Variants in DNAJC8 observed in about 807,000 individuals in gnomAD.
DNAJC8 encodes DnaJ heat shock protein family (Hsp40) member C8.
DNAJC8 carries 24 observed loss-of-function variants against 43.2 expected under a neutral mutation model. The ratio of observed to expected loss-of-function variants is 0.56; its 90% confidence interval spans 0.40 to 0.78. The LOEUF (loss-of-function observed/expected upper bound fraction) is 0.78, where lower values mean the gene tolerates loss of function less well. Among genes scored for constraint, DNAJC8 ranks in the 30% least tolerant of loss-of-function variants. The pLI is 0.00. For synonymous variants in DNAJC8, 83 were observed against 98.0 expected (o/e 0.85, Z 0.90); for missense variants, 207 against 299.4 (o/e 0.69, Z 2.28).
intron 3 of DNAJC8, 121 bp downstream of exon 3, chr1:28,214,819 C>T: frequency 1.6e-6 from 1 of 633,234 alleles, no homozygotes; most frequent in Admixed American, 3.4e-5. Flanking sequence ...AAAACAGTTA[C>T]ACAGCCTTAA....
chr1:28,226,946 T>C (rs1646939127), intron 2 of DNAJC8, among the ~76,000 whole-genome samples: 1 of 151,000 alleles, frequency 6.6e-6, no homozygotes, highest in Non-Finnish European at 1.5e-5. Context: ...TTATAACTCA[T>C]TTGTACTATT....
At chr1:28,217,803 C>T (rs1646869357) in intron 2 of DNAJC8, among the ~76,000 whole-genome samples, 1 of 151,938 alleles carries the variant, frequency 6.6e-6, no homozygotes, top group Non-Finnish European at 1.5e-5. Context: ...AAATGTAATT[C>T]ATAAACCCTG....
chr1:28,217,451 T>C (rs1056236625), intron 2 of DNAJC8, among the ~76,000 whole-genome samples: 7 of 151,972 alleles, frequency 4.6e-5, no homozygotes, highest in Admixed American at 4.6e-4. Flanking sequence ...AGAAACCCCG[T>C]CTCTACTAAA....
intron 2 of DNAJC8, among the ~76,000 whole-genome samples, chr1:28,215,537 TC>T (rs1646845932): frequency 6.7e-6 from 1 of 149,876 alleles, no homozygotes; most frequent in Non-Finnish European, 1.5e-5. Context: ...GAGGAACAAC[TC>T]TATTTTTTTT....
Position 28,209,987 on chromosome 1 carries a change from T to C in DNAJC8, c.384A>G (p.Glu128=). Residue 128 remains glutamate (E), a synonymous_variant, in exon 5 of 9, where the codon GAA becomes GAG. Coordinates refer to ENST00000263697, the MANE Select transcript of DNAJC8 (RefSeq NM_014280.3). ...RALDVIQAGK[E]YVEHTVKERK... Reference sequence around the variant, plus strand: ...AAATACTTACAGTGTGTTCCACGTATTCTTTTCCTGCCTGAATTACATCCA... The same window carrying C: ...AAATACTTACAGTGTGTTCCACGTACTCTTTTCCTGCCTGAATTACATCCA... The C allele has an allele frequency of 1.2e-6, 2 of 1,614,016 alleles. No individual in the cohort carries two copies. The highest frequency in any genetic ancestry group is 8.5e-7 in the Non-Finnish European group (1 of 1,179,894).
intron 7 of DNAJC8, 58 bp downstream of exon 7, chr1:28,205,200 C>T: frequency 1.5e-6 from 2 of 1,323,734 alleles, no homozygotes; most frequent in Non-Finnish European, 2.1e-6. Context: ...TCACCAAAGA[C>T]CAATGTTAGT....
At chr1:28,212,196 TATATATATATATATATATAA>T (rs1459322717) in intron 3 of DNAJC8, among the ~76,000 whole-genome samples, 2 of 114,410 alleles carry the variant, frequency 1.7e-5, no homozygotes, top group African/African-American at 7.6e-5. Flanking sequence ...TATATATATA[TATATATATATATATATATAA>T]ATGAAATTAA....
intron 2 of DNAJC8, among the ~76,000 whole-genome samples, chr1:28,226,427 C>T (rs1489012892): frequency 6.6e-6 from 1 of 151,162 alleles, no homozygotes; most frequent in Non-Finnish European, 1.5e-5. Context: ...CGCTTGAACC[C>T]GGGAGGCAGA....
intron 2 of DNAJC8, among the ~76,000 whole-genome samples, chr1:28,225,684 TA>T (rs1557713493): frequency 2.7e-5 from 4 of 145,654 alleles, no homozygotes; most frequent in East Asian, 3.9e-4. Context: ...ATTGTAAAAC[TA>T]AAAAAAAATT....
chr1:28,222,562 T>A (rs1646906135), intron 2 of DNAJC8, among the ~76,000 whole-genome samples: 1 of 150,642 alleles, frequency 6.6e-6, no homozygotes, highest in African/African-American at 2.4e-5. Context: ...ATTTTAAAAA[T>A]TGAAAAAAAA....
chr1:28,217,990 T>C (rs1646871235), intron 2 of DNAJC8, among the ~76,000 whole-genome samples: 1 of 151,948 alleles, frequency 6.6e-6, no homozygotes, highest in African/African-American at 2.4e-5. Flanking sequence ...GCATGTGGAC[T>C]GTATGCTGGA....
At chr1:28,208,889 A>T (rs189365542) in intron 5 of DNAJC8, 2 of 152,560 alleles carry the variant, frequency 1.3e-5, no homozygotes, top group Non-Finnish European at 2.9e-5. Flanking sequence ...TAAACCACAT[A>T]TCATATTAAC....
At chr1:28,205,428 G>A (rs1187475180) in intron 6 of DNAJC8, 79 bp from the exon 7 acceptor site, 2 of 1,082,560 alleles carry the variant, frequency 1.8e-6, no homozygotes, top group Non-Finnish European at 2.7e-6. Flanking sequence ...TTCACCTGGA[G>A]TCCAAGATAA....
chr1:28,218,490 C>G (rs1646876180), intron 2 of DNAJC8, among the ~76,000 whole-genome samples: 1 of 151,768 alleles, frequency 6.6e-6, no homozygotes, highest in Admixed American at 6.6e-5. Context: ...AATCATAGGT[C>G]ACTGCAGCCT....
chr1:28,232,836 G>A (rs1053962151), intron 1 of DNAJC8, 85 bp downstream of exon 1: 2 of 1,458,500 alleles, frequency 1.4e-6, no homozygotes, highest in Admixed American at 3.4e-5. Context: ...AACGGTCCAG[G>A]CCAGGCGGCC....
rs1298354811 is a variant in DNAJC8, at chr1:28,200,529, A to G, written c.*719T>C. 2.2e-6 allele frequency: 1 copy of G among 456,556 alleles called. No individual in the cohort carries two copies. The highest frequency in any genetic ancestry group is 6.9e-5 in the East Asian group (1 of 14,400). The allele number at this position is 456,556 out of a possible 1,614,324, so 28.3% of individuals were successfully genotyped here. On this transcript the variant is annotated 3_prime_UTR_variant, in exon 9 of 9. Coordinates refer to ENST00000263697, the MANE Select transcript of DNAJC8 (RefSeq NM_014280.3). ...AAGCCAGACAAGGGACCCACAAGGG[A>G]GAGTACAAGGAAAAGTACATCAATG...
At chr1:28,227,757 AAAG>A (rs971197662) in intron 2 of DNAJC8, among the ~76,000 whole-genome samples, 30 of 152,098 alleles carry the variant, frequency 2.0e-4, no homozygotes, top group South Asian at 4.2e-4. Context: ...TAAAAAAGAA[AAAG>A]AAGAAGAAGA....
intron 5 of DNAJC8, 134 bp from the exon 6 acceptor site, chr1:28,208,547 G>GCCCCT (rs1001106895): frequency 3.3e-5 from 14 of 422,264 alleles, no homozygotes; most frequent in South Asian, 8.3e-5. Context: ...AAAAAAAAGA[G>GCCCCT]CCCCTCCCCT....
intron 6 of DNAJC8, among the ~76,000 whole-genome samples, chr1:28,207,014 A>G (rs915031410): frequency 1.4e-4 from 21 of 151,912 alleles, no homozygotes; most frequent in Non-Finnish European, 1.3e-4. Context: ...TATATTTTTT[A>G]TATTTCTCTT....
Sources: allele counts gnomAD v4.1 joint callset (sites outside exome capture counted in the v4.1 genomes callset), GRCh38; gene constraint gnomAD v4.1.1; transcripts MANE v1.5; gene names NCBI Gene and HGNC (gene_info 2026-07-23, HGNC 2026-07-21).